Variants in ADAMTS6 observed in about 807,000 individuals in gnomAD.
ADAMTS6 encodes the protein ADAM metallopeptidase with thrombospondin type 1 motif 6, also known as A disintegrin and metalloproteinase with thrombospondin motifs 6.
ADAMTS6 carries 23 observed loss-of-function variants against 144.3 expected under a neutral mutation model. The ratio of observed to expected loss-of-function variants is 0.16; its 90% CI spans 0.11 to 0.23. ADAMTS6 has a LOEUF of 0.23. ADAMTS6 is among the 10% of genes least tolerant of loss of function. The pLI is 1.00. For synonymous variants in ADAMTS6, 444 were observed against 457.5 expected (o/e 0.97, Z 0.38); for missense variants, 999 against 1,379.6 (o/e 0.72, Z 4.37).
intron 11 of ADAMTS6, among the ~76,000 whole-genome samples, chr5:65,287,957 T>G (rs1282684678): frequency 1.3e-5 from 2 of 152,244 alleles, no homozygotes; most frequent in African/African-American, 4.8e-5. Flanking sequence ...TATATTGTAC[T>G]GTACTGTTTT....
intron 7 of ADAMTS6, among the ~76,000 whole-genome samples, chr5:65,335,359 C>T (rs1231285012): frequency 1.3e-5 from 2 of 152,080 alleles, no homozygotes; most frequent in Non-Finnish European, 2.9e-5. Flanking sequence ...GGAACACCCT[C>T]GAATGTAAGA....
Position 65,151,623 on chromosome 5 carries a change from C to T in ADAMTS6, c.*213G>A, listed in dbSNP as rs1752141886. 2.0e-6 allele frequency: 1 copy of T among 504,940 alleles called. No individual in the cohort carries two copies. The highest frequency in any genetic ancestry group is 3.6e-6 in the Non-Finnish European group (1 of 280,620). The allele number at this position is 504,940 out of a possible 1,614,324, so 31.3% of individuals were successfully genotyped here. ...GATCTCTCCAATCTGGCATTCCCTC[C>T]TAATACCGTGTCCAGCACTTTGGAT... is the stretch of plus-strand genomic sequence containing the variant. On this transcript the variant is annotated 3_prime_UTR_variant, in exon 25 of 25. Transcript: ENST00000381055.
intron 7 of ADAMTS6, among the ~76,000 whole-genome samples, chr5:65,430,219 A>G (rs1007836194): frequency 4.0e-5 from 6 of 151,898 alleles, no homozygotes; most frequent in African/African-American, 1.4e-4. Flanking sequence ...GGGCTGAGAT[A>G]TAAGACTGAA....
intron 22 of ADAMTS6, among the ~76,000 whole-genome samples, chr5:65,184,329 T>C (rs771757963): frequency 1.3e-5 from 2 of 152,204 alleles, no homozygotes; most frequent in Non-Finnish European, 2.9e-5. Context: ...CCTGGAGAGA[T>C]GGGTTTAAAT....
intron 22 of ADAMTS6, among the ~76,000 whole-genome samples, chr5:65,178,128 T>C (rs1468103155): frequency 1.3e-5 from 2 of 152,198 alleles, no homozygotes; most frequent in Non-Finnish European, 2.9e-5. Context: ...CCCGAGCGGA[T>C]GTGTGATGGT....
chr5:65,448,677 T>TCTCCTGACCTCATGATCCGCC (rs1347675484), intron 7 of ADAMTS6, among the ~76,000 whole-genome samples: 1 of 151,928 alleles, frequency 6.6e-6, no homozygotes, highest in African/African-American at 2.4e-5. Flanking sequence ...ATGGTCTTGA[T>TCTCCTGACCTCATGATCCGCC]CTCCTGACCT....
chr5:65,372,615 G>T (rs958424567), intron 7 of ADAMTS6, among the ~76,000 whole-genome samples: 4 of 151,442 alleles, frequency 2.6e-5, no homozygotes, highest in East Asian at 1.9e-4. Context: ...AGCAAGTCCT[G>T]AGTGACCTAC....
chr5:65,325,528 C>T (rs1746077283), intron 9 of ADAMTS6, among the ~76,000 whole-genome samples: 1 of 149,418 alleles, frequency 6.7e-6, no homozygotes, highest in Admixed American at 6.7e-5. Flanking sequence ...CTTGGCCTGT[C>T]ACCCAGAATG....
At chr5:65,478,110 G>A (rs1284689364) in intron 1 of ADAMTS6, among the ~76,000 whole-genome samples, 1 of 151,440 alleles carries the variant, frequency 6.6e-6, no homozygotes, top group Non-Finnish European at 1.5e-5. Flanking sequence ...CTGGGTGACA[G>A]AGCGAGGCTC....
intron 7 of ADAMTS6, among the ~76,000 whole-genome samples, chr5:65,347,219 A>G (rs1001145875): frequency 1.3e-5 from 2 of 151,962 alleles, no homozygotes; most frequent in African/African-American, 2.4e-5. Flanking sequence ...ATATGGAACC[A>G]TAGAAGACCT....
chr5:65,401,906 C>T (rs1753950298), intron 7 of ADAMTS6, among the ~76,000 whole-genome samples: 1 of 151,986 alleles, frequency 6.6e-6, no homozygotes, highest in Non-Finnish European at 1.5e-5. Context: ...TTCTTTCTTT[C>T]CCTCCCTTAC....
intron 7 of ADAMTS6, among the ~76,000 whole-genome samples, chr5:65,418,092 C>T (rs1755692005): frequency 6.6e-6 from 1 of 152,078 alleles, no homozygotes; most frequent in Admixed American, 6.6e-5. Flanking sequence ...TGATCGTCAA[C>T]AAAATCAATG....
At chr5:65,405,622 A>G (rs983345955) in intron 7 of ADAMTS6, among the ~76,000 whole-genome samples, 2 of 152,046 alleles carry the variant, frequency 1.3e-5, no homozygotes, top group African/African-American at 2.4e-5. Context: ...TTGACTTGGC[A>G]ATGTGGGCTC....
chr5:65,462,999 G>A (rs760444542), intron 3 of ADAMTS6, among the ~76,000 whole-genome samples: 18 of 151,412 alleles, frequency 1.2e-4, no homozygotes, highest in East Asian at 7.8e-4. Context: ...AGAATCACTC[G>A]AACCTGGGAG....
At chr5:65,260,072 T>A (rs1367633762) in intron 14 of ADAMTS6, among the ~76,000 whole-genome samples, 1 of 152,098 alleles carries the variant, frequency 6.6e-6, no homozygotes, top group East Asian at 1.9e-4. Flanking sequence ...TCCATTAAAG[T>A]AAGAAGGTGA....
At chr5:65,460,843 A>C (rs879478377) in intron 3 of ADAMTS6, among the ~76,000 whole-genome samples, 9 of 152,210 alleles carry the variant, frequency 5.9e-5, no homozygotes, top group African/African-American at 1.7e-4. Context: ...GTAGAAACCA[A>C]AAAAGAAGGA....
chr5:65,206,634 A>G, intron 20 of ADAMTS6, among the ~76,000 whole-genome samples: 1 of 149,128 alleles, frequency 6.7e-6, no homozygotes, highest in East Asian at 2.0e-4. Flanking sequence ...AGGAAGGTGG[A>G]AGTTGCAGTG....
At chr5:65,380,018 T>A (rs2150133412) in intron 7 of ADAMTS6, among the ~76,000 whole-genome samples, 1 of 152,246 alleles carries the variant, frequency 6.6e-6, no homozygotes, top group African/African-American at 2.4e-5. Flanking sequence ...TGATTATCCA[T>A]GTCTCTTTCC....
intron 9 of ADAMTS6, among the ~76,000 whole-genome samples, chr5:65,311,000 A>T (rs1429181545): frequency 6.6e-6 from 1 of 152,180 alleles, no homozygotes; most frequent in East Asian, 1.9e-4. Context: ...GAAAAAGAGA[A>T]AAGTGAAAAA....
Sources: allele counts gnomAD v4.1 joint callset (sites outside exome capture counted in the v4.1 genomes callset), GRCh38; gene constraint gnomAD v4.1.1; transcripts MANE v1.5; gene names NCBI Gene and HGNC (gene_info 2026-07-23, HGNC 2026-07-21).